SIPA1L3: variants seen among roughly 807,000 people sequenced by gnomAD.
The protein encoded by SIPA1L3 is signal-induced proliferation-associated 1-like protein 3.
A neutral mutation model predicts 150.1 loss-of-function variants in SIPA1L3; 59 were observed. That is an observed-to-expected ratio of 0.39 (90% confidence interval 0.32 to 0.49). SIPA1L3 has a LOEUF of 0.49. Ranked by LOEUF, SIPA1L3 falls within the 20% of genes least tolerant of loss-of-function variation. The probability of loss-of-function intolerance (pLI) is 0.86; values close to 1 mark genes in which losing one functional copy is unlikely to be tolerated. For synonymous variants in SIPA1L3, 1,070 were observed against 1,077.6 expected (o/e 0.99, Z 0.14); for missense variants, 2,211 against 2,489.5 (o/e 0.89, Z 2.38).
At chr19:37,914,831 A>G (rs1036002723) in intron 1 of SIPA1L3, among the ~76,000 whole-genome samples, 2 of 152,198 alleles carry the variant, frequency 1.3e-5, no homozygotes, top group African/African-American at 2.4e-5. Context: ...AATAATAATG[A>G]TAGCAGCTTA....
chr19:37,954,517 C>T (rs2046791907), intron 1 of SIPA1L3, among the ~76,000 whole-genome samples: 1 of 152,078 alleles, frequency 6.6e-6, no homozygotes, highest in Non-Finnish European at 1.5e-5. Context: ...GGCTGGTTTG[C>T]AGCCAGATCA....
At chr19:38,000,414 G>A (rs1243845431) in intron 1 of SIPA1L3, among the ~76,000 whole-genome samples, 2 of 147,156 alleles carry the variant, frequency 1.4e-5, no homozygotes, top group African/African-American at 5.0e-5. Context: ...GTTTCAGTGA[G>A]CCTAGATCAC....
chr19:37,957,553 T>G (rs565730088), intron 1 of SIPA1L3, among the ~76,000 whole-genome samples: 1 of 151,966 alleles, frequency 6.6e-6, no homozygotes, highest in African/African-American at 2.4e-5. Context: ...TTTTTTTCTT[T>G]TTTTTCTTTT....
chr19:38,116,107 G>A (rs1220308079), intron 8 of SIPA1L3, among the ~76,000 whole-genome samples: 1 of 152,128 alleles, frequency 6.6e-6, no homozygotes, highest in African/African-American at 2.4e-5. Flanking sequence ...AGAAACAGTA[G>A]GAATTCTGTC....
intron 9 of SIPA1L3, among the ~76,000 whole-genome samples, chr19:38,122,576 T>G (rs1971046082): frequency 6.6e-6 from 1 of 152,190 alleles, no homozygotes; most frequent in Non-Finnish European, 1.5e-5. Flanking sequence ...GTGAGAGCAA[T>G]CTGATCACAT....
chr19:38,049,716 A>G (rs958569855), intron 2 of SIPA1L3, among the ~76,000 whole-genome samples: 1 of 152,062 alleles, frequency 6.6e-6, no homozygotes, highest in Non-Finnish European at 1.5e-5. Context: ...GTTTTGCTCC[A>G]TTGGCCAGGC....
chr19:38,163,521 GGA>G (rs1473702223), intron 14 of SIPA1L3, among the ~76,000 whole-genome samples: 2 of 151,022 alleles, frequency 1.3e-5, no homozygotes, highest in Admixed American at 6.6e-5. Context: ...ACAGTCCAGG[GGA>G]GAGAGTGACA....
intron 1 of SIPA1L3, among the ~76,000 whole-genome samples, chr19:37,998,248 A>G (rs1967693530): frequency 6.6e-6 from 1 of 152,154 alleles, no homozygotes; most frequent in Non-Finnish European, 1.5e-5. Flanking sequence ...CCAGAAAAGC[A>G]TTACTCTGTT....
At chr19:38,198,601 G>A (rs1395348969) in intron 19 of SIPA1L3, 69 bp downstream of exon 19, 8 of 1,321,682 alleles carry the variant, frequency 6.1e-6, no homozygotes, top group Non-Finnish European at 9.8e-7. Context: ...TTCATGGAGG[G>A]CCTCATGGCT....
At chr19:38,171,255 T>C (rs565157356) in intron 15 of SIPA1L3, among the ~76,000 whole-genome samples, 149 of 152,044 alleles carry the variant, frequency 9.8e-4, no homozygotes, top group Non-Finnish European at 1.9e-3. Context: ...GTATAGAAAT[T>C]GTGGCTGGGC....
chr19:38,166,998 G>T (rs989133150), intron 15 of SIPA1L3, among the ~76,000 whole-genome samples: 1 of 152,036 alleles, frequency 6.6e-6, no homozygotes, highest in Non-Finnish European at 1.5e-5. Context: ...ACTTTGGGAG[G>T]CCAAGGCAAG....
intron 10 of SIPA1L3, among the ~76,000 whole-genome samples, chr19:38,137,449 A>G (rs1352952491): frequency 6.6e-6 from 1 of 150,940 alleles, no homozygotes; most frequent in African/African-American, 2.4e-5. Context: ...TCGGCCTCCC[A>G]AAGTGCTGGG....
chr19:37,971,566 T>C (rs1568484267), intron 1 of SIPA1L3, among the ~76,000 whole-genome samples: 1 of 88,830 alleles, frequency 1.1e-5, no homozygotes, highest in African/African-American at 4.9e-5. Flanking sequence ...TTTTGTTTTT[T>C]GGGGTTTTTT....
intron 18 of SIPA1L3, among the ~76,000 whole-genome samples, chr19:38,194,023 G>A (rs1190049168): frequency 6.6e-6 from 1 of 152,098 alleles, no homozygotes; most frequent in Non-Finnish European, 1.5e-5. Flanking sequence ...AAGCACCCAA[G>A]GATTGGAGTC....
At chr19:38,111,179 C>CA (rs1970730785) in intron 8 of SIPA1L3, among the ~76,000 whole-genome samples, 1 of 151,938 alleles carries the variant, frequency 6.6e-6, no homozygotes, top group African/African-American at 2.4e-5. Flanking sequence ...TGCACACCCC[C>CA]ATGCCTGGCT....
At chr19:38,193,036 G>A (rs969377197) in intron 17 of SIPA1L3, among the ~76,000 whole-genome samples, 5 of 152,032 alleles carry the variant, frequency 3.3e-5, no homozygotes, top group East Asian at 1.9e-4. Context: ...AAACTGGAGC[G>A]CTTTGATCAG....
intron 1 of SIPA1L3, among the ~76,000 whole-genome samples, chr19:37,973,594 CAGCACTCTG>C (rs369802699): frequency 0.24 from 31,407 of 133,516 alleles, 4,839 homozygotes; most frequent in East Asian, 0.56. Flanking sequence ...AAACGCCTCT[CAGCACTCTG>C]AGAGTGCTGC....
intron 1 of SIPA1L3, among the ~76,000 whole-genome samples, chr19:37,971,133 T>A (rs1193933141): frequency 6.6e-6 from 1 of 151,902 alleles, no homozygotes; most frequent in Non-Finnish European, 1.5e-5. Flanking sequence ...CATGCTTTTT[T>A]TTGTTTGTTT....
chr19:37,925,187 C>T (rs750601229), intron 1 of SIPA1L3, among the ~76,000 whole-genome samples: 9 of 152,198 alleles, frequency 5.9e-5, no homozygotes, highest in African/African-American at 9.6e-5. Flanking sequence ...CCGACCTCCC[C>T]GTGGCTCATG....
Sources: gnomAD v4.1 joint callset for allele counts (sites outside exome capture counted in the v4.1 genomes callset) on GRCh38, gnomAD v4.1.1 for gene constraint, MANE v1.5 for transcripts, NCBI Gene and HGNC (gene_info 2026-07-23, HGNC 2026-07-21) for gene names.